ZFYVE9: variants seen among roughly 807,000 people sequenced by gnomAD.
The protein encoded by ZFYVE9 is zinc finger FYVE-type containing 9, also known as zinc finger FYVE domain-containing protein 9.
Under a neutral mutation model 126.7 loss-of-function variants are expected in ZFYVE9, and 43 were observed. The observed-to-expected ratio is 0.34, with a 90% CI of 0.27 to 0.44. The LOEUF (loss-of-function observed/expected upper bound fraction) is 0.44. Ranked by LOEUF, ZFYVE9 falls within the 20% of genes least tolerant of loss-of-function variation. The probability of loss-of-function intolerance (pLI) is 1.00; values close to 1 mark genes in which losing one functional copy is unlikely to be tolerated. For synonymous variants in ZFYVE9, 521 were observed against 597.4 expected (o/e 0.87, Z 1.87); for missense variants, 1,476 against 1,697.0 (o/e 0.87, Z 2.29).
chr1:52,307,665 G>T (rs922433904), intron 13 of ZFYVE9, among the ~76,000 whole-genome samples: 1 of 152,108 alleles, frequency 6.6e-6, no homozygotes, highest in Non-Finnish European at 1.5e-5. Flanking sequence ...TTCTAAAAGA[G>T]TAACAGTATT....
intron 8 of ZFYVE9, among the ~76,000 whole-genome samples, chr1:52,275,263 A>G (rs952416130): frequency 2.6e-4 from 39 of 152,014 alleles, no homozygotes; most frequent in African/African-American, 9.4e-4. Flanking sequence ...TTGTTTTGAG[A>G]CAGGGTCTCT....
intron 1 of ZFYVE9, among the ~76,000 whole-genome samples, chr1:52,180,890 A>T (rs112596544): frequency 0.036 from 5,328 of 147,854 alleles, 231 homozygotes; most frequent in African/African-American, 0.11. Flanking sequence ...CAGGAGAATC[A>T]CTTGAACCTG....
At chr1:52,284,600 T>C (rs933733747) in intron 10 of ZFYVE9, among the ~76,000 whole-genome samples, 19 of 152,170 alleles carry the variant, frequency 1.2e-4, no homozygotes, top group Non-Finnish European at 2.4e-4. Context: ...TTTGTATTTT[T>C]AGTAGAGACG....
Position 52,334,699 on chromosome 1 carries a change from A to G in ZFYVE9, c.3601A>G (p.Ser1201Gly), listed in dbSNP as rs758270283. Reference sequence around the variant, plus strand: ...TATTGCTGTTTTAGTGACTGGTGCCAGTTTCTTTGTGTTCAGTGGCGCTCT... The same window carrying G: ...TATTGCTGTTTTAGTGACTGGTGCCGGTTTCTTTGTGTTCAGTGGCGCTCT... ...HNQPRKVTGA[S>G]FFVFSGALKS... is the part of the protein sequence containing the mutation. Residue 1201 changes from serine (S) to glycine (G), a missense_variant, in exon 15 of 19, where the codon AGT (serine) becomes GGT (glycine). Around this residue, in one of 2 missense-constraint regions of ZFYVE9, gnomAD observed 669 missense variants for 902.4 expected, o/e 0.74. Transcript: ENST00000287727. The G allele has an allele frequency of 1.9e-6, 3 of 1,613,784 alleles. No individual in the cohort carries two copies. The highest frequency in any genetic ancestry group is 3.3e-5 in the Admixed American group (2 of 59,990).
chr1:52,290,322 C>G (rs144934103), intron 10 of ZFYVE9, among the ~76,000 whole-genome samples: 1 of 152,304 alleles, frequency 6.6e-6, no homozygotes, highest in Non-Finnish European at 1.5e-5. Flanking sequence ...AGGATAACAG[C>G]ATTAATCCAG....
Position 52,344,785 on chromosome 1 carries a change from C to T in ZFYVE9, c.3957C>T (p.Asn1319=), listed in dbSNP as rs1026381620. 22 of 1,613,588 alleles carry T rather than the reference C, an allele frequency of 1.4e-5. No homozygotes were observed. Among genetic ancestry groups the T allele is most frequent in the Non-Finnish European group, 1.8e-5 (21 of 1,179,750 alleles). ...GGGAACAGGTGTTTTTCCTAGAAAA[C>T]GATGACCAGCACAATTGCCTCAGTG... The part of the protein sequence containing the change: ...IRWTEVFFLE[N]DDQHNCLSDP... Residue 1319 remains asparagine (N), a synonymous_variant, in exon 18 of 19, where the codon AAC becomes AAT. Coordinates refer to ENST00000287727, the MANE Select transcript of ZFYVE9 (RefSeq NM_004799.4).
intron 2 of ZFYVE9, among the ~76,000 whole-genome samples, chr1:52,229,041 A>G (rs1359040828): frequency 2.0e-5 from 3 of 151,824 alleles, no homozygotes; most frequent in Non-Finnish European, 2.9e-5. Flanking sequence ...ACACCTGGCT[A>G]ATTTTTATTT....
At chr1:52,160,440 CT>C in intron 1 of ZFYVE9, 1 of 909,332 alleles carries the variant, frequency 1.1e-6, no homozygotes, top group East Asian at 2.4e-5. Flanking sequence ...AAGGCAGTGC[CT>C]TTCTATGTGT....
intron 13 of ZFYVE9, among the ~76,000 whole-genome samples, chr1:52,322,117 A>G (rs1300928762): frequency 6.6e-6 from 1 of 152,194 alleles, no homozygotes; most frequent in Non-Finnish European, 1.5e-5. Context: ...TAAATTAATG[A>G]CAGTGCTGTC....
intron 13 of ZFYVE9, among the ~76,000 whole-genome samples, chr1:52,313,985 G>A (rs1380086208): frequency 6.6e-6 from 1 of 152,152 alleles, no homozygotes; most frequent in Non-Finnish European, 1.5e-5. Context: ...GGAATGTCAG[G>A]CAGCCAAATT....
chr1:52,151,809 T>G (rs1281196007), intron 1 of ZFYVE9, among the ~76,000 whole-genome samples: 1 of 151,952 alleles, frequency 6.6e-6, no homozygotes, highest in Non-Finnish European at 1.5e-5. Context: ...GAGCCACCTC[T>G]CTGAGCCCAT....
At chr1:52,322,353 A>T (rs1646248378) in intron 13 of ZFYVE9, among the ~76,000 whole-genome samples, 1 of 147,762 alleles carries the variant, frequency 6.8e-6, no homozygotes, top group Non-Finnish European at 1.5e-5. Context: ...TCTGTTTTTA[A>T]TGTAGCAGCC....
intron 1 of ZFYVE9, among the ~76,000 whole-genome samples, chr1:52,196,403 A>G (rs540516205): frequency 6.6e-6 from 1 of 152,300 alleles, no homozygotes; most frequent in South Asian, 2.1e-4. Context: ...TGGGAGGCCA[A>G]GGTGGGTGGA....
intron 1 of ZFYVE9, among the ~76,000 whole-genome samples, chr1:52,186,772 A>C (rs1644769241): frequency 6.6e-6 from 1 of 152,186 alleles, no homozygotes; most frequent in African/African-American, 2.4e-5. Context: ...GGGAGGTGAA[A>C]GATCTCTACA....
intron 8 of ZFYVE9, among the ~76,000 whole-genome samples, chr1:52,278,108 ATATTATC>A (rs1181446870): frequency 6.6e-6 from 1 of 152,210 alleles, no homozygotes; most frequent in African/African-American, 2.4e-5. Flanking sequence ...GGTAACTAGT[ATATTATC>A]ACTTTCTTGT....
Position 52,267,847 on chromosome 1 carries a change from G to C in ZFYVE9, c.2456-616G>C, listed in dbSNP as rs575116882. 2.0e-5 allele frequency among the ~76,000 whole-genome samples: 3 copies of C among 152,162 alleles called. No individual in the cohort carries two copies. The South Asian group carries it at 6.2e-4, about 32-fold the overall frequency. ...GACTCAGTTTTCCAGCTTTTTCCCT[G>C]TCTTTTTACTAAAACACAAATTACT... On this transcript the variant is annotated intron_variant, in intron 6 of 18. Transcript: ENST00000287727.
At chr1:52,280,378 TAA>T (rs11342176) in intron 9 of ZFYVE9, among the ~76,000 whole-genome samples, 10 of 140,996 alleles carry the variant, frequency 7.1e-5, no homozygotes, top group Admixed American at 7.2e-5. Flanking sequence ...AGACCCTGTT[TAA>T]AAAAAAAAAA....
At chr1:52,178,528 A>G (rs1345244994) in intron 1 of ZFYVE9, among the ~76,000 whole-genome samples, 1 of 151,684 alleles carries the variant, frequency 6.6e-6, no homozygotes, top group African/African-American at 2.4e-5. Flanking sequence ...ACAGGGTTTC[A>G]CCATATTAGA....
At chr1:52,291,526 T>C (rs1346832354) in intron 10 of ZFYVE9, among the ~76,000 whole-genome samples, 1 of 152,154 alleles carries the variant, frequency 6.6e-6, no homozygotes, top group Non-Finnish European at 1.5e-5. Context: ...TAATGAAGGG[T>C]TGATATGTTT....
Sources: gnomAD v4.1 joint callset for allele counts (sites outside exome capture counted in the v4.1 genomes callset) on GRCh38, gnomAD v4.1.1 for gene constraint, gnomAD v4.1.1 regional missense constraint, MANE v1.5 for transcripts, NCBI Gene and HGNC (gene_info 2026-07-23, HGNC 2026-07-21) for gene names.